The following COL4A1 variants were observed in gnomAD, a reference collection of about 807,000 sequenced individuals.
COL4A1 encodes collagen type IV alpha 1 chain.
Under a neutral mutation model 216.6 loss-of-function variants are expected in COL4A1, and 40 were observed. That is an observed-to-expected ratio of 0.18 (90% CI 0.14 to 0.24). The LOEUF is 0.24. COL4A1 is among the 10% of genes least tolerant of loss of function. COL4A1 has a pLI of 1.00. For missense variants in COL4A1, 1,628 were observed against 2,196.8 expected (o/e 0.74, Z 5.18); for synonymous variants, 839 against 810.7 (o/e 1.03, Z -0.59).
intron 2 of COL4A1, among the ~76,000 whole-genome samples, chr13:110,235,963 A>G (rs1313470387): frequency 6.6e-6 from 1 of 152,212 alleles, no homozygotes; most frequent in African/African-American, 2.4e-5. Flanking sequence ...TTCTCCAAAA[A>G]TACAAATAAA....
At chr13:110,206,335 G>T (rs1019631286) in intron 15 of COL4A1, among the ~76,000 whole-genome samples, 1 of 152,230 alleles carries the variant, frequency 6.6e-6, no homozygotes, top group African/African-American at 2.4e-5. Context: ...ACACTGTCTG[G>T]TGTTCTGGGT....
At chr13:110,242,593 G>A in intron 2 of COL4A1, 82 bp downstream of exon 2, 1 of 1,454,724 alleles carries the variant, frequency 6.9e-7, no homozygotes, top group Non-Finnish European at 9.7e-7. Context: ...CACCTGAATT[G>A]CTGATTATTC....
intron 1 of COL4A1, among the ~76,000 whole-genome samples, chr13:110,270,312 T>C (rs1018469839): frequency 6.6e-6 from 1 of 152,358 alleles, no homozygotes; most frequent in Admixed American, 6.5e-5. Flanking sequence ...TAAAGTTTTC[T>C]AATCAGACTA....
rs915830444 is a variant in COL4A1 at position 110,306,989 on chromosome 13, G to T, written c.39C>A (p.Pro13=). The T allele has an allele frequency of 6.8e-7, 1 of 1,477,500 alleles. No individual in the cohort carries two copies. Among genetic ancestry groups the T allele is most frequent in the African/African-American group, 1.5e-5 (1 of 68,490 alleles). 91.5% of individuals were successfully genotyped at this position (1,477,500 alleles called of 1,614,324 possible). ...GCTCCTCGTGGAGCAGAAGGGCGGC[G>T]GGCAGCAGCAGCAGCCAGACGCTGA... ...PRLSVWLLLL[P]AALLLHEEHS... is the part of the protein sequence containing the mutation. Residue 13 remains proline, a synonymous_variant, in exon 1 of 52, where the codon CCC becomes CCA. Coordinates refer to ENST00000375820, the MANE Select transcript of COL4A1 (RefSeq NM_001845.6).
chr13:110,171,812 C>T (rs1175641538), intron 41 of COL4A1, among the ~76,000 whole-genome samples: 1 of 152,230 alleles, frequency 6.6e-6, no homozygotes, highest in Admixed American at 6.5e-5. Context: ...CAGCCCACAG[C>T]GACCCCTTGA....
At position 110,164,842 on chromosome 13, in the gene COL4A1, C is replaced by A; in HGVS notation, c.4150+20G>T. The A allele has an allele frequency of 6.2e-7, 1 of 1,613,042 alleles. No homozygotes were observed. The highest frequency in any genetic ancestry group is 8.5e-7 in the Non-Finnish European group (1 of 1,179,624). On this transcript the variant is annotated intron_variant, in intron 46 of 51. Transcript: ENST00000375820. ...CCTCTGGGCTCCCCATACCGCCCTG[C>A]ACAGGCCAAGCCTTCTCACCTTGCT...
rs141067230 is a variant in COL4A1 at position 110,210,204 on chromosome 13, T to A, written c.477A>T (p.Pro159=). Residue 159 remains proline, a synonymous_variant, in exon 9 of 52, where the codon CCA becomes CCT. Transcript: ENST00000375820. The part of the protein sequence containing the change: ...PPGLPGMKGD[P]GEILGHVPGM... ...CGGGCACATGGCCAAGTATCTCACCTGGATCACCCTAGAGGATGAAGAAAG... is the reference window on the plus strand; with the variant it reads ...CGGGCACATGGCCAAGTATCTCACCAGGATCACCCTAGAGGATGAAGAAAG... The A allele has an allele frequency of 4.4e-5, 71 of 1,613,602 alleles. No individual in the cohort carries two copies. In the African/African-American group the frequency reaches 8.1e-4, roughly 18 times the overall value.
chr13:110,193,918 G>C (rs1458788906), intron 22 of COL4A1, among the ~76,000 whole-genome samples: 1 of 152,226 alleles, frequency 6.6e-6, no homozygotes, highest in Non-Finnish European at 1.5e-5. Flanking sequence ...CTTCAGGTGG[G>C]TGGGGAGACA....
Position 110,164,964 on chromosome 13 carries a change from C to G in COL4A1, c.4048G>C (p.Gly1350Arg). ...TCCCCTTTGATGATGTCGTAAGGAC[C>G]TGGGGGGCCAGGAGGACCCGGGAGA... is the stretch of plus-strand genomic sequence containing the variant. ...KGLPGPPGPP[G>R]PYDIIKGEPG... The change falls in exon 46 of 52, where the codon GGT becomes CGT. Residue 1350 changes from glycine to arginine, a missense_variant. This residue lies in a region of COL4A1 where 345 missense variants were observed against 476.9 expected (regional missense o/e 0.72). Coordinates refer to ENST00000375820, the MANE Select transcript of COL4A1 (RefSeq NM_001845.6). 1 of 1,605,222 alleles carries G rather than the reference C, an allele frequency of 6.2e-7. No homozygotes were observed. The highest frequency in any genetic ancestry group is 8.5e-7 in the Non-Finnish European group (1 of 1,176,338).
intron 1 of COL4A1, among the ~76,000 whole-genome samples, chr13:110,253,180 C>CGTATTATATATACATGTAACTATATGTAT (rs1566417498): frequency 0.034 from 3,097 of 91,150 alleles, 387 homozygotes; most frequent in Middle Eastern, 0.086. Flanking sequence ...ACTATATGTA[C>CGTATTATATATACATGTAACTATATGTAT]GTATGTATTA....
intron 1 of COL4A1, among the ~76,000 whole-genome samples, chr13:110,296,926 A>C (rs926333055): frequency 2.4e-4 from 37 of 152,214 alleles, no homozygotes; most frequent in Admixed American, 6.5e-4. Context: ...CAGAACATGG[A>C]AGAGAGGCAC....
At chr13:110,234,992 G>T (rs1327779885) in intron 2 of COL4A1, among the ~76,000 whole-genome samples, 1 of 152,142 alleles carries the variant, frequency 6.6e-6, no homozygotes, top group East Asian at 1.9e-4. Context: ...CCCTAGTATT[G>T]TACACTAAGG....
intron 1 of COL4A1, among the ~76,000 whole-genome samples, chr13:110,249,929 T>G (rs1393771767): frequency 1.3e-5 from 2 of 152,198 alleles, no homozygotes; most frequent in Non-Finnish European, 2.9e-5. Context: ...TCTCCCTTAT[T>G]CTCACAGAAC....
intron 2 of COL4A1, among the ~76,000 whole-genome samples, chr13:110,232,024 C>G (rs624085): frequency 0.011 from 1,630 of 152,230 alleles, 30 homozygotes; most frequent in African/African-American, 0.036. Flanking sequence ...AAGGAGAAAC[C>G]GTACCAAGGG....
intron 24 of COL4A1, chr13:110,190,933 T>C (rs916542058): frequency 6.6e-6 from 1 of 152,204 alleles, no homozygotes; most frequent in Non-Finnish European, 1.5e-5. Context: ...TAGATATGTC[T>C]AGACTGAGTT....
intron 1 of COL4A1, among the ~76,000 whole-genome samples, chr13:110,304,896 G>C (rs1350175529): frequency 1.3e-5 from 2 of 152,182 alleles, no homozygotes. Flanking sequence ...ATGAGGATCT[G>C]ATCAAATCCA....
At chr13:110,160,027 C>T (rs11842693) in intron 49 of COL4A1, among the ~76,000 whole-genome samples, 1,706 of 152,030 alleles carry the variant, frequency 0.011, 34 homozygotes, top group African/African-American at 0.039. Flanking sequence ...AGACGGATGG[C>T]GGTGATGGTA....
chr13:110,186,454 G>A lies in COL4A1; in HGVS notation c.1828C>T (p.Pro610Ser). ...TGPPGPPGYG[P>S]AGPIGDKGQA... is the part of the protein sequence containing the mutation. ...CCTTTGTCACCAATGGGACCAGCAG[G>A]ACCATATCCTGGAGGCCCAGGGGGG... is the stretch of plus-strand genomic sequence containing the variant. Residue 610 changes from proline (P) to serine (S), a missense_variant, in exon 26 of 52, where the codon CCT becomes TCT. Transcript: ENST00000375820. 5 of 1,613,752 alleles carry A rather than the reference G, an allele frequency of 3.1e-6. No individual in the cohort carries two copies. The highest frequency in any genetic ancestry group is 4.2e-6 in the Non-Finnish European group (5 of 1,179,962).
Position 110,155,156 on chromosome 13 carries a change from A to T in COL4A1, c.4755+127T>A. The T allele has an allele frequency of 3.9e-6, 3 of 759,710 alleles. No homozygotes were observed. The South Asian group carries it at 4.4e-5, about 11-fold the overall frequency. The allele number at this position is 759,710 out of a possible 1,614,324, so 47.1% of individuals were successfully genotyped here. A position where few individuals can be genotyped will look rare whatever the true frequency, so the allele number is the denominator to read the frequency against. ...GCATGCTTTGGAAGGGGATGGTTGG[A>T]GGAAGAAGGAGGGGCTTAAGCAGCG... is the stretch of plus-strand genomic sequence containing the variant. On this transcript the variant is annotated intron_variant, in intron 50 of 51. Transcript: ENST00000375820.
Sources: allele counts gnomAD v4.1 joint callset (sites outside exome capture counted in the v4.1 genomes callset), GRCh38; gene constraint gnomAD v4.1.1; regional missense constraint gnomAD v4.1.1; transcripts MANE v1.5; gene names NCBI Gene and HGNC (gene_info 2026-07-23, HGNC 2026-07-21).